Variants in ABCC8 observed in about 807,000 individuals in gnomAD.
ABCC8 encodes the protein ATP binding cassette subfamily C member 8.
In ABCC8, 137 loss-of-function variants were observed where a neutral mutation model predicts 188.0. That is an observed-to-expected ratio of 0.73 (90% confidence interval 0.63 to 0.84). The LOEUF (loss-of-function observed/expected upper bound fraction) is 0.84. Ranked by LOEUF, ABCC8 falls within the 40% of genes least tolerant of loss-of-function variation. ABCC8 has a pLI of 0.00. For missense variants in ABCC8, 1,750 were observed against 2,072.7 expected (o/e 0.84, Z 3.02); for synonymous variants, 797 against 846.5 (o/e 0.94, Z 1.01).
chr11:17,469,424 G>C (rs1191534005), intron 3 of ABCC8, among the ~76,000 whole-genome samples: 1 of 151,980 alleles, frequency 6.6e-6, no homozygotes, highest in Non-Finnish European at 1.5e-5. Flanking sequence ...CATCTACAAG[G>C]CCCACCTCCT....
chr11:17,460,414 T>C (rs1957142290), intron 6 of ABCC8, 74 bp downstream of exon 6: 4 of 1,606,980 alleles, frequency 2.5e-6, no homozygotes, highest in Non-Finnish European at 3.4e-6. Context: ...CTCACACACA[T>C]TGGCCTGTTG....
At chr11:17,405,414 A>G in intron 27 of ABCC8, 80 bp downstream of exon 27, 2 of 1,596,780 alleles carry the variant, frequency 1.3e-6, no homozygotes, top group Non-Finnish European at 1.7e-6. Context: ...GATCTGGGGA[A>G]CCCAGCCTCA....
At chr11:17,476,450 G>A (rs1281200025) in intron 1 of ABCC8, among the ~76,000 whole-genome samples, 179 bp downstream of exon 1, 4 of 152,228 alleles carry the variant, frequency 2.6e-5, no homozygotes, top group Non-Finnish European at 5.9e-5. Flanking sequence ...GGGAGTGAAG[G>A]GATGAGCTGG....
intron 3 of ABCC8, among the ~76,000 whole-genome samples, chr11:17,467,267 A>C (rs1016777095): frequency 6.6e-6 from 1 of 152,110 alleles, no homozygotes; most frequent in African/African-American, 2.4e-5. Flanking sequence ...AATACAAAAA[A>C]TTATCTGAGT....
intron 16 of ABCC8, among the ~76,000 whole-genome samples, chr11:17,421,855 A>G (rs1955359526): frequency 6.6e-6 from 1 of 152,172 alleles, no homozygotes; most frequent in Non-Finnish European, 1.5e-5. Context: ...CCATCTCCCC[A>G]GAGCATTCTC....
At chr11:17,424,131 A>G (rs1955475825) in intron 16 of ABCC8, among the ~76,000 whole-genome samples, 3 of 152,128 alleles carry the variant, frequency 2.0e-5, no homozygotes. Flanking sequence ...ACGTGGACAC[A>G]GGGAGGGGAA....
At chr11:17,409,868 G>GTTTC (rs966629903) in intron 22 of ABCC8, among the ~76,000 whole-genome samples, 4 of 152,236 alleles carry the variant, frequency 2.6e-5, no homozygotes, top group East Asian at 1.9e-4. Context: ...TAATATTGAA[G>GTTTC]TTTCTTTCTT....
At chr11:17,467,042 CCA>C (rs569546580) in intron 3 of ABCC8, among the ~76,000 whole-genome samples, 3,684 of 132,344 alleles carry the variant, frequency 0.028, 79 homozygotes, top group Middle Eastern at 0.075. Context: ...ACATGTTAAA[CCA>C]CACACACACA....
intron 2 of ABCC8, among the ~76,000 whole-genome samples, 168 bp downstream of exon 2, chr11:17,474,718 G>A (rs951976061): frequency 4.6e-5 from 7 of 152,134 alleles, no homozygotes; most frequent in East Asian, 1.9e-4. Context: ...ACTCACTTGC[G>A]TCCAGTGCCC....
intron 8 of ABCC8, chr11:17,444,186 G>T (rs2133600825): frequency 6.6e-6 from 1 of 152,310 alleles, no homozygotes; most frequent in Non-Finnish European, 1.5e-5. Context: ...TATCTTAGAG[G>T]CTGGGAAGTG....
chr11:17,454,981 C>G (rs780540617), intron 6 of ABCC8, among the ~76,000 whole-genome samples: 1 of 152,182 alleles, frequency 6.6e-6, no homozygotes, highest in Non-Finnish European at 1.5e-5. Context: ...TTAACATGCC[C>G]TGGGATTCTT....
At chr11:17,457,044 C>T (rs748568418) in intron 6 of ABCC8, among the ~76,000 whole-genome samples, 12 of 152,082 alleles carry the variant, frequency 7.9e-5, no homozygotes, top group African/African-American at 2.9e-4. Context: ...GGTGAAGGCT[C>T]CCTGGAGCAG....
chr11:17,475,313 G>A (rs2133730684), intron 1 of ABCC8, among the ~76,000 whole-genome samples: 1 of 152,278 alleles, frequency 6.6e-6, no homozygotes. Flanking sequence ...GATCTCCTAG[G>A]CTCAAGTGAT....
At chr11:17,425,844 C>A (rs1955557573) in intron 16 of ABCC8, among the ~76,000 whole-genome samples, 1 of 150,790 alleles carries the variant, frequency 6.6e-6, no homozygotes, top group African/African-American at 2.4e-5. Context: ...TTGCCCCCCA[C>A]CCCCAGACAG....
intron 3 of ABCC8, among the ~76,000 whole-genome samples, chr11:17,468,121 G>GC (rs1445449641): frequency 6.6e-6 from 1 of 152,104 alleles, no homozygotes; most frequent in Non-Finnish European, 1.5e-5. Flanking sequence ...GCTTCCCCCA[G>GC]CTCCCATTCA....
At chr11:17,471,770 A>G (rs1848493499) in intron 2 of ABCC8, among the ~76,000 whole-genome samples, 1 of 152,232 alleles carries the variant, frequency 6.6e-6, no homozygotes, top group African/African-American at 2.4e-5. Context: ...ATGGTATGGA[A>G]AGATGGGAAG....
chr11:17,399,708 A>G (rs1028373229), intron 29 of ABCC8, among the ~76,000 whole-genome samples: 2 of 152,234 alleles, frequency 1.3e-5, no homozygotes, highest in Admixed American at 6.5e-5. Flanking sequence ...TGCAAATTCC[A>G]TGAAGATGTT....
chr11:17,470,598 T>A (rs915512011), intron 2 of ABCC8, among the ~76,000 whole-genome samples: 2 of 152,176 alleles, frequency 1.3e-5, no homozygotes, highest in African/African-American at 4.8e-5. Flanking sequence ...TGAGAGTCAG[T>A]ATTTATGGAG....
At position 17,393,079 on chromosome 11, in the gene ABCC8, C is replaced by T. The variant is rs1308397642; in HGVS notation, c.4658G>A (p.Arg1553Gln). The change falls in exon 39 of 39, where the codon CGG becomes CAG. Residue 1553 changes from arginine to glutamine, a missense_variant. Transcript: ENST00000389817. ...CTTATCGAACTCAAGGATGGCACCC[C>T]GCTTCAGGACGATCACCAGGTCTGC... Reference protein sequence around the residue: ...LSADLVIVLKRGAILEFDKPE... With the variant: ...LSADLVIVLKQGAILEFDKPE... 3 of 1,614,070 alleles carry T rather than the reference C, an allele frequency of 1.9e-6. No homozygotes were observed. The highest frequency in any genetic ancestry group is 2.5e-6 in the Non-Finnish European group (3 of 1,180,026).
Sources: gnomAD v4.1 joint callset for allele counts (sites outside exome capture counted in the v4.1 genomes callset) on GRCh38, gnomAD v4.1.1 for gene constraint, MANE v1.5 for transcripts, NCBI Gene and HGNC (gene_info 2026-07-23, HGNC 2026-07-21) for gene names.